TBC1D1: variants seen among roughly 807,000 people sequenced by gnomAD.
TBC1D1 encodes TBC1 (tre-2/USP6, BUB2, cdc16) domain family, member 1.
A neutral mutation model predicts 125.6 loss-of-function variants in TBC1D1; 89 were observed. The observed-to-expected ratio is 0.71, with a 90% CI of 0.60 to 0.85. TBC1D1 has a LOEUF of 0.85. TBC1D1 is among the 40% of genes least tolerant of loss of function. The pLI is 0.00. For missense variants in TBC1D1, 1,377 were observed against 1,469.2 expected (o/e 0.94, Z 1.03); for synonymous variants, 565 against 564.1 (o/e 1.00, Z -0.02).
At chr4:37,990,596 G>A (rs1736350293) in intron 2 of TBC1D1, among the ~76,000 whole-genome samples, 1 of 152,112 alleles carries the variant, frequency 6.6e-6, no homozygotes, top group Non-Finnish European at 1.5e-5. Flanking sequence ...TCCAGAAAAA[G>A]CTGTATTCCT....
chr4:38,044,152 G>A (rs770208641), intron 8 of TBC1D1, among the ~76,000 whole-genome samples: 8 of 152,184 alleles, frequency 5.3e-5, no homozygotes, highest in Non-Finnish European at 1.2e-4. Flanking sequence ...AGCACATTTC[G>A]TCATTTTACT....
chr4:37,901,780 C>T (rs1716073693), intron 1 of TBC1D1, among the ~76,000 whole-genome samples: 1 of 69,746 alleles, frequency 1.4e-5, no homozygotes, highest in Admixed American at 1.2e-4. Flanking sequence ...AGTAGTTTCC[C>T]AGTGGGCTCT....
intron 2 of TBC1D1, among the ~76,000 whole-genome samples, chr4:37,955,838 A>G (rs1228425037): frequency 6.6e-6 from 1 of 152,170 alleles, no homozygotes; most frequent in African/African-American, 2.4e-5. Flanking sequence ...CATATAGATT[A>G]TAATACATAT....
chr4:38,079,687 C>G (rs1163937348), intron 12 of TBC1D1, among the ~76,000 whole-genome samples: 1 of 151,394 alleles, frequency 6.6e-6, no homozygotes, highest in Non-Finnish European at 1.5e-5. Flanking sequence ...AAGATTGTGC[C>G]ATTGCAGTCC....
intron 13 of TBC1D1, among the ~76,000 whole-genome samples, chr4:38,091,321 C>T (rs1758387869): frequency 6.6e-6 from 1 of 152,212 alleles, no homozygotes; most frequent in Admixed American, 6.5e-5. Flanking sequence ...CATCAGGGTG[C>T]TGTGGAAGAT....
intron 18 of TBC1D1, among the ~76,000 whole-genome samples, chr4:38,127,459 A>C (rs1336035583): frequency 7.0e-6 from 1 of 143,504 alleles, no homozygotes; most frequent in Non-Finnish European, 1.5e-5. Context: ...ATCTTGGCTC[A>C]CTGCAACCTC....
intron 2 of TBC1D1, among the ~76,000 whole-genome samples, chr4:37,964,661 G>C (rs1365417675): frequency 6.6e-6 from 1 of 150,924 alleles, no homozygotes; most frequent in African/African-American, 2.5e-5. Context: ...AGCCTACTGC[G>C]GGTCTCACTT....
At chr4:37,951,407 T>C (rs1002750609) in intron 2 of TBC1D1, among the ~76,000 whole-genome samples, 7 of 152,160 alleles carry the variant, frequency 4.6e-5, no homozygotes, top group African/African-American at 1.7e-4. Flanking sequence ...TCCATAAATA[T>C]AGGTGGTTAA....
chr4:37,945,914 G>C (rs1419419950), intron 2 of TBC1D1, among the ~76,000 whole-genome samples: 1 of 152,228 alleles, frequency 6.6e-6, no homozygotes, highest in African/African-American at 2.4e-5. Context: ...AGTCAGCTGT[G>C]ATTCATCTGA....
At chr4:38,048,474 T>C (rs1749884370) in intron 10 of TBC1D1, among the ~76,000 whole-genome samples, 1 of 152,130 alleles carries the variant, frequency 6.6e-6, no homozygotes, top group South Asian at 2.1e-4. Context: ...TCATAGTATG[T>C]TGGGAATTTT....
At chr4:37,948,442 C>T (rs150892034) in intron 2 of TBC1D1, among the ~76,000 whole-genome samples, 2 of 152,232 alleles carry the variant, frequency 1.3e-5, no homozygotes, top group African/African-American at 4.8e-5. Context: ...GCCTGGCCAA[C>T]ATGGTGAAAC....
intron 2 of TBC1D1, among the ~76,000 whole-genome samples, chr4:37,971,903 G>T (rs1732101060): frequency 6.6e-6 from 1 of 152,212 alleles, no homozygotes; most frequent in African/African-American, 2.4e-5. Flanking sequence ...CATTCTCTAA[G>T]ATGCTGTAGT....
rs1008986675 is a variant in TBC1D1 at position 38,001,089 on chromosome 4, G to A, written c.418-13420G>A. Among the ~76,000 whole-genome samples the A allele has an allele frequency of 9.2e-5, 14 of 152,056 alleles. No individual in the cohort carries two copies. In the East Asian group the frequency reaches 2.3e-3, roughly 25 times the overall value. ...CAAAAAGTTAGCCGGGCATGGTGGC[G>A]GGCACCTGTAGTCCCAGCTAATCGG... On this transcript the variant is annotated intron_variant, in intron 2 of 19. Transcript: ENST00000261439.
chr4:37,961,789 A>C (rs992461558), intron 2 of TBC1D1, among the ~76,000 whole-genome samples: 1 of 152,336 alleles, frequency 6.6e-6, no homozygotes, highest in Non-Finnish European at 1.5e-5. Context: ...GCTATTTAAG[A>C]ACCATCAAAG....
intron 6 of TBC1D1, 69 bp from the exon 7 acceptor site, chr4:38,027,719 A>G: frequency 1.2e-6 from 1 of 867,812 alleles, no homozygotes; most frequent in Non-Finnish European, 1.9e-6. Context: ...TGTGTGTGGA[A>G]GAGGTTAACT....
At chr4:38,066,681 A>G (rs899650907) in intron 12 of TBC1D1, among the ~76,000 whole-genome samples, 1 of 152,068 alleles carries the variant, frequency 6.6e-6, no homozygotes, top group African/African-American at 2.4e-5. Flanking sequence ...TGGCAAAGCT[A>G]TGCATGCCCC....
intron 2 of TBC1D1, among the ~76,000 whole-genome samples, chr4:38,005,767 C>T (rs918181445): frequency 2.6e-5 from 4 of 152,192 alleles, no homozygotes; most frequent in Non-Finnish European, 4.4e-5. Context: ...TGGATGTGAA[C>T]CCCAGAGAGC....
At chr4:38,011,688 A>G (rs1443515923) in intron 2 of TBC1D1, among the ~76,000 whole-genome samples, 1 of 152,226 alleles carries the variant, frequency 6.6e-6, no homozygotes, top group Non-Finnish European at 1.5e-5. Context: ...CTTGAGCTCA[A>G]TTATGCCTGA....
chr4:38,045,811 A>T lies in TBC1D1; in HGVS notation c.1543-6A>T, dbSNP rs539186353. 3 of 1,613,324 alleles carry T rather than the reference A, an allele frequency of 1.9e-6. No individual in the cohort carries two copies. In the African/African-American group the frequency reaches 4.0e-5, roughly 22 times the overall value. On this transcript the variant is annotated splice_polypyrimidine_tract_variant and splice_region_variant and intron_variant, in intron 9 of 19. Transcript: ENST00000261439. ...GTCATAACTCGACTGCCTTTTCTTT[A>T]TGTAGGGTAATAAAGCCAGAGGCCT...
Sources: gnomAD v4.1 joint callset for allele counts (sites outside exome capture counted in the v4.1 genomes callset) on GRCh38, gnomAD v4.1.1 for gene constraint, MANE v1.5 for transcripts, NCBI Gene and HGNC (gene_info 2026-07-23, HGNC 2026-07-21) for gene names.